CNTNAP5: variants seen among roughly 807,000 people sequenced by gnomAD.
CNTNAP5 encodes contactin-associated protein-like 5.
Under a neutral mutation model 150.2 loss-of-function variants are expected in CNTNAP5, and 72 were observed. The ratio of observed to expected loss-of-function variants is 0.48; its 90% CI spans 0.40 to 0.58. The LOEUF (loss-of-function observed/expected upper bound fraction) is 0.58, where lower values mean the gene tolerates loss of function less well. Among genes scored for constraint, CNTNAP5 ranks in the 20% least tolerant of loss-of-function variants. CNTNAP5 has a pLI of 0.00. For missense variants in CNTNAP5, 1,636 were observed against 1,626.2 expected (o/e 1.01, Z -0.10); for synonymous variants, 672 against 619.8 (o/e 1.08, Z -1.25).
intron 3 of CNTNAP5, among the ~76,000 whole-genome samples, chr2:124,278,959 CATT>C (rs1280567737): frequency 6.6e-6 from 1 of 152,072 alleles, no homozygotes; most frequent in African/African-American, 2.4e-5. Flanking sequence ...TCTATTCACT[CATT>C]TAATTTTCTG....
intron 11 of CNTNAP5, among the ~76,000 whole-genome samples, chr2:124,603,204 T>C (rs951362819): frequency 6.6e-6 from 1 of 152,188 alleles, no homozygotes; most frequent in African/African-American, 2.4e-5. Flanking sequence ...AGAAACTAAG[T>C]GAAACATTCC....
chr2:124,494,951 A>G (rs1694113048), intron 7 of CNTNAP5, among the ~76,000 whole-genome samples: 1 of 152,232 alleles, frequency 6.6e-6, no homozygotes, highest in South Asian at 2.1e-4. Flanking sequence ...CATTGGAAAT[A>G]CAAAAGATTT....
At chr2:124,735,990 G>A (rs757844474) in intron 13 of CNTNAP5, among the ~76,000 whole-genome samples, 1 of 152,114 alleles carries the variant, frequency 6.6e-6, no homozygotes, top group Non-Finnish European at 1.5e-5. Context: ...CAGCACTTTG[G>A]GAGGCTGAGG....
intron 19 of CNTNAP5, among the ~76,000 whole-genome samples, chr2:124,860,839 A>T (rs958254861): frequency 6.6e-6 from 1 of 152,046 alleles, no homozygotes; most frequent in Non-Finnish European, 1.5e-5. Flanking sequence ...ATTCTGAAGT[A>T]TGGGAGAGTC....
intron 12 of CNTNAP5, among the ~76,000 whole-genome samples, chr2:124,635,762 G>A (rs1024627641): frequency 1.3e-5 from 2 of 152,100 alleles, no homozygotes; most frequent in African/African-American, 2.4e-5. Context: ...ATTGACTGTG[G>A]TCCTTGTTCT....
At chr2:124,368,600 ATCATT>A (rs762338326) in intron 3 of CNTNAP5, among the ~76,000 whole-genome samples, 2 of 152,176 alleles carry the variant, frequency 1.3e-5, no homozygotes, top group Non-Finnish European at 2.9e-5. Context: ...AGGGTGGAAT[ATCATT>A]GAACAAGGAC....
intron 12 of CNTNAP5, among the ~76,000 whole-genome samples, chr2:124,631,397 A>G (rs148693672): frequency 9.7e-4 from 148 of 152,346 alleles, no homozygotes; most frequent in African/African-American, 3.3e-3. Flanking sequence ...ATGGAACAGA[A>G]TAGAGAATTC....
At chr2:124,299,139 A>G (rs909376485) in intron 3 of CNTNAP5, among the ~76,000 whole-genome samples, 1 of 152,132 alleles carries the variant, frequency 6.6e-6, no homozygotes, top group Admixed American at 6.5e-5. Context: ...TTCCCACATC[A>G]CAGATTAAAT....
intron 12 of CNTNAP5, among the ~76,000 whole-genome samples, chr2:124,640,393 A>G (rs1678065588): frequency 6.6e-6 from 1 of 152,278 alleles, no homozygotes; most frequent in Non-Finnish European, 1.5e-5. Flanking sequence ...GCAGTAATGG[A>G]CGGAGCCCGC....
chr2:124,067,954 A>G (rs2104660661), intron 1 of CNTNAP5, among the ~76,000 whole-genome samples: 1 of 152,312 alleles, frequency 6.6e-6, no homozygotes, highest in South Asian at 2.1e-4. Flanking sequence ...GCCTGGATAT[A>G]TACAGTCATA....
chr2:124,722,073 T>C (rs1680061286), intron 13 of CNTNAP5, among the ~76,000 whole-genome samples: 2 of 152,050 alleles, frequency 1.3e-5, no homozygotes, highest in South Asian at 4.2e-4. Flanking sequence ...ACCTTCATTT[T>C]TTAAAAGACC....
intron 1 of CNTNAP5, among the ~76,000 whole-genome samples, chr2:124,124,140 C>G (rs1354523501): frequency 1.3e-5 from 2 of 152,106 alleles, no homozygotes; most frequent in African/African-American, 4.8e-5. Context: ...TTCGAACCCA[C>G]TGCAAAGAAG....
intron 1 of CNTNAP5, among the ~76,000 whole-genome samples, chr2:124,029,476 C>T (rs1478583331): frequency 6.6e-6 from 1 of 151,988 alleles, no homozygotes; most frequent in Non-Finnish European, 1.5e-5. Context: ...CCATAGTCCC[C>T]CATCTCAAAA....
At chr2:124,341,970 G>A (rs1318244087) in intron 3 of CNTNAP5, among the ~76,000 whole-genome samples, 1 of 152,138 alleles carries the variant, frequency 6.6e-6, no homozygotes. Context: ...TGCTGTAATA[G>A]TTTGGAGACT....
At chr2:124,584,389 A>G (rs999807261) in intron 11 of CNTNAP5, among the ~76,000 whole-genome samples, 4 of 152,210 alleles carry the variant, frequency 2.6e-5, no homozygotes, top group Non-Finnish European at 5.9e-5. Context: ...TCTAGTAGGA[A>G]GAATTACAAC....
chr2:124,530,941 G>A (rs1224347983), intron 10 of CNTNAP5, among the ~76,000 whole-genome samples: 1 of 152,034 alleles, frequency 6.6e-6, no homozygotes, highest in East Asian at 1.9e-4. Flanking sequence ...CAACCTTTTT[G>A]GCATTCAGGG....
At chr2:124,535,327 G>T (rs572313337) in intron 10 of CNTNAP5, among the ~76,000 whole-genome samples, 1 of 152,150 alleles carries the variant, frequency 6.6e-6, no homozygotes, top group Non-Finnish European at 1.5e-5. Context: ...GAGACTTTTC[G>T]CTGTAATCCT....
chr2:124,776,790 T>C (rs1681333106), intron 17 of CNTNAP5, among the ~76,000 whole-genome samples: 1 of 152,186 alleles, frequency 6.6e-6, no homozygotes, highest in African/African-American at 2.4e-5. Context: ...CATAAAGCTG[T>C]ATTTGCATGG....
intron 11 of CNTNAP5, among the ~76,000 whole-genome samples, chr2:124,580,382 G>A (rs1288344928): frequency 1.3e-5 from 2 of 152,210 alleles, no homozygotes; most frequent in Admixed American, 1.3e-4. Context: ...ATCAAAGGTG[G>A]TCAACTGTTC....
Sources: allele counts gnomAD v4.1 joint callset (sites outside exome capture counted in the v4.1 genomes callset), GRCh38; gene constraint gnomAD v4.1.1; transcripts MANE v1.5; gene names NCBI Gene and HGNC (gene_info 2026-07-23, HGNC 2026-07-21).